Variants in PCLO observed in about 807,000 individuals in gnomAD.
PCLO encodes protein piccolo.
A neutral mutation model predicts 427.5 loss-of-function variants in PCLO; 82 were observed. The ratio of observed to expected loss-of-function variants is 0.19; its 90% CI spans 0.16 to 0.23. The LOEUF (loss-of-function observed/expected upper bound fraction) is 0.23, where lower values mean the gene tolerates loss of function less well. PCLO is among the 10% of genes least tolerant of loss of function. The pLI is 1.00. For synonymous variants in PCLO, 2,357 were observed against 2,155.4 expected (o/e 1.09, Z -2.59); for missense variants, 6,239 against 6,115.9 (o/e 1.02, Z -0.67).
chr7:83,064,521 A>G (rs1366320648), intron 3 of PCLO, among the ~76,000 whole-genome samples: 1 of 152,040 alleles, frequency 6.6e-6, no homozygotes, highest in Non-Finnish European at 1.5e-5. Context: ...TGTTAGGATT[A>G]AAGAAAATGG....
At position 82,821,514 on chromosome 7, in the gene PCLO, T is replaced by G. The variant is rs1056156909; in HGVS notation, c.14791+981A>C. On this transcript the variant is annotated intron_variant, in intron 20 of 24. Transcript: ENST00000333891. ...GAGATGGAGAGAACAATGATCTATC[T>G]CCATTGCCTGGCTAATGCCTTTTAG... 3.2e-5 allele frequency: 32 copies of G among 985,018 alleles called. No individual in the cohort carries two copies. The African/African-American group carries it at 4.5e-4, about 14-fold the overall frequency. 61.0% of individuals were successfully genotyped at this position (985,018 alleles called of 1,614,324 possible). A position where few individuals can be genotyped will look rare whatever the true frequency, so the allele number is the denominator to read the frequency against.
intron 3 of PCLO, among the ~76,000 whole-genome samples, chr7:83,000,023 A>G (rs1787776772): frequency 1.4e-5 from 2 of 138,306 alleles, no homozygotes; most frequent in South Asian, 4.5e-4. Context: ...TGAGAACACC[A>G]AGCAGAATAA....
intron 3 of PCLO, among the ~76,000 whole-genome samples, chr7:83,056,156 T>G (rs1464425505): frequency 2.0e-5 from 3 of 152,146 alleles, no homozygotes; most frequent in East Asian, 3.8e-4. Context: ...GCCTCACACC[T>G]CAGACTGAAT....
chr7:82,886,083 A>G (rs1793621153), intron 9 of PCLO, among the ~76,000 whole-genome samples: 1 of 152,178 alleles, frequency 6.6e-6, no homozygotes. Flanking sequence ...CTACCAAGAT[A>G]TGAAAAAAGG....
intron 4 of PCLO, among the ~76,000 whole-genome samples, chr7:82,959,373 C>T (rs144979157): frequency 3.9e-4 from 60 of 152,192 alleles, no homozygotes; most frequent in African/African-American, 1.3e-3. Context: ...CATGTGTATT[C>T]TTTATTTTGT....
chr7:82,770,810 A>T (rs1353224634), intron 22 of PCLO, among the ~76,000 whole-genome samples: 1 of 151,902 alleles, frequency 6.6e-6, no homozygotes, highest in African/African-American at 2.4e-5. Context: ...GTAGCAAAGC[A>T]AGCTACTCGA....
chr7:83,134,956 T>A lies in PCLO; in HGVS notation c.2594A>T (p.Lys865Ile), dbSNP rs768985469. Residue 865 changes from lysine (K) to isoleucine (I), a missense_variant, in exon 3 of 25, where the codon AAA becomes ATA. Physicochemically the swap from Lys to Ile is moderately radical, Grantham distance 102. Coordinates refer to ENST00000333891, the MANE Select transcript of PCLO (RefSeq NM_033026.6). ...PKKAQTKMSP[K>I]PDAKPMPKGS... ...TTTTGGCATTGGCTTGGCATCTGGT[T>A]TAGGACTCATTTTGGTTTGTGCTTT... The A allele has an allele frequency of 6.2e-7, 1 of 1,611,700 alleles. No individual in the cohort carries two copies. The highest frequency in any genetic ancestry group is 8.5e-7 in the Non-Finnish European group (1 of 1,179,042).
chr7:82,850,197 C>T (rs1470581067), intron 10 of PCLO, among the ~76,000 whole-genome samples: 2 of 151,860 alleles, frequency 1.3e-5, no homozygotes, highest in Admixed American at 1.3e-4. Context: ...TTAGTAGAGA[C>T]AGGGTTTCAC....
intron 3 of PCLO, among the ~76,000 whole-genome samples, chr7:83,008,421 C>T (rs1422567645): frequency 6.6e-6 from 1 of 151,618 alleles, no homozygotes; most frequent in Non-Finnish European, 1.5e-5. Flanking sequence ...GTACATGACA[C>T]ATTTATGTAT....
Position 82,953,954 on chromosome 7 carries a change from A to G in PCLO, c.6999T>C (p.Ser2333=). 1 of 1,613,880 alleles carries G rather than the reference A, an allele frequency of 6.2e-7. No homozygotes were observed. The highest frequency in any genetic ancestry group is 1.1e-5 in the South Asian group (1 of 91,074). Residue 2333 remains serine (S), a synonymous_variant, in exon 5 of 25, where the codon AGT becomes AGC. Coordinates refer to ENST00000333891, the MANE Select transcript of PCLO (RefSeq NM_033026.6). ...KKELEAERTK[S]SLSETVFDHP... ...GATCAAACACGGTTTCGGATAAGCT[A>G]CTTTTTGTTCGTTCGGCCTCCAACT...
intron 3 of PCLO, among the ~76,000 whole-genome samples, chr7:83,074,880 G>A (rs1209773560): frequency 1.3e-5 from 2 of 152,200 alleles, no homozygotes; most frequent in East Asian, 3.9e-4. Flanking sequence ...AATTTCTTTA[G>A]GTTTTATAGC....
rs1347250553 is a variant in PCLO at position 82,920,037 on chromosome 7, T to C, written c.11113-3164A>G. Among the ~76,000 whole-genome samples, 20 of 151,824 alleles carry C rather than the reference T, an allele frequency of 1.3e-4. No homozygotes were observed. In the Admixed American group the frequency reaches 1.3e-3, roughly 10 times the overall value. On this transcript the variant is annotated intron_variant, in intron 6 of 24. Coordinates refer to ENST00000333891, the MANE Select transcript of PCLO (RefSeq NM_033026.6). The stretch of plus-strand genomic sequence containing the variant: ...GGACAGACAGAAATACAATAAAGAA[T>C]TTGAAGTAATGTCTTACCAACTTAT...
intron 10 of PCLO, among the ~76,000 whole-genome samples, chr7:82,858,689 G>C (rs1405809907): frequency 6.6e-6 from 1 of 151,896 alleles, no homozygotes; most frequent in Non-Finnish European, 1.5e-5. Flanking sequence ...CAAACTATCT[G>C]AAAAAGAAAT....
intron 6 of PCLO, among the ~76,000 whole-genome samples, chr7:82,942,343 C>T (rs925134654): frequency 6.6e-6 from 1 of 152,128 alleles, no homozygotes; most frequent in African/African-American, 2.4e-5. Context: ...TAGTTTTACG[C>T]TTTTGGCAGA....
chr7:82,824,857 G>A (rs970881169), intron 18 of PCLO, among the ~76,000 whole-genome samples: 1 of 151,966 alleles, frequency 6.6e-6, no homozygotes, highest in Admixed American at 6.6e-5. Flanking sequence ...GCTGAGGCAG[G>A]AGAATGGCAT....
At chr7:83,103,723 T>C (rs543585842) in intron 3 of PCLO, among the ~76,000 whole-genome samples, 1 of 151,950 alleles carries the variant, frequency 6.6e-6, no homozygotes, top group Non-Finnish European at 1.5e-5. Flanking sequence ...GTATATGCTT[T>C]AATATAAAGA....
chr7:83,003,973 T>C (rs1300556749), intron 3 of PCLO, among the ~76,000 whole-genome samples: 2 of 151,798 alleles, frequency 1.3e-5, no homozygotes, highest in Admixed American at 6.6e-5. Context: ...TTATCTGGTA[T>C]TGGGCTTTTC....
At chr7:83,081,403 G>A (rs1790096815) in intron 3 of PCLO, among the ~76,000 whole-genome samples, 1 of 151,812 alleles carries the variant, frequency 6.6e-6, no homozygotes, top group Non-Finnish European at 1.5e-5. Flanking sequence ...GTCTACACAA[G>A]GTTAGACTCC....
In PCLO at chr7:82,976,585, T is replaced by C. The variant is rs1796023016; in HGVS notation, c.3301-10098A>G. ...CATGATTGTTGGTGTGTATGCAAAG[T>C]AATTCTAACAAACTATTTTGGATAT... On this transcript the variant is annotated intron_variant, in intron 3 of 24. Transcript: ENST00000333891. 2.6e-5 allele frequency among the ~76,000 whole-genome samples: 4 copies of C among 152,198 alleles called. No individual in the cohort carries two copies. The South Asian group carries it at 8.3e-4, about 31-fold the overall frequency.
Sources: gnomAD v4.1 joint callset for allele counts (sites outside exome capture counted in the v4.1 genomes callset) on GRCh38, gnomAD v4.1.1 for gene constraint, MANE v1.5 for transcripts, NCBI Gene and HGNC (gene_info 2026-07-23, HGNC 2026-07-21) for gene names.